The following PTCHD4 variants were observed in gnomAD, a reference collection of about 807,000 sequenced individuals.
The protein encoded by PTCHD4 is patched domain containing 4.
A neutral mutation model predicts 58.1 loss-of-function variants in PTCHD4; 33 were observed. That is an observed-to-expected ratio of 0.57 (90% CI 0.43 to 0.76). The LOEUF (loss-of-function observed/expected upper bound fraction) is 0.76. PTCHD4 is among the 30% of genes least tolerant of loss of function. PTCHD4 has a pLI of 0.00. For missense variants in PTCHD4, 1,058 were observed against 1,027.1 expected, an observed-to-expected ratio of 1.03 and a Z score of -0.41; for synonymous variants, 478 against 409.6, an observed-to-expected ratio of 1.17 and a Z score of -2.02.
chr6:47,909,979 G>A (rs1253741409), intron 4 of PTCHD4, among the ~76,000 whole-genome samples: 1 of 152,088 alleles, frequency 6.6e-6, no homozygotes, highest in Non-Finnish European at 1.5e-5. Flanking sequence ...ATATAAACGT[G>A]TTTGTTTTTA....
chr6:47,913,841 AT>A, intron 4 of PTCHD4, among the ~76,000 whole-genome samples: 1 of 152,046 alleles, frequency 6.6e-6, no homozygotes, highest in Non-Finnish European at 1.5e-5. Context: ...TTCTCTAAAC[AT>A]TTTTCTGTGA....
In PTCHD4 at chr6:48,064,609, G is replaced by A. The variant is rs1764736689; in HGVS notation, c.417+3621C>T. On this transcript the variant is annotated intron_variant, in intron 3 of 4. Transcript: ENST00000339488. ...GTCAAAAGCACTTTAAAGACAGCTG[G>A]AGAATACAAAGAATACCTTTATAAT... 5.3e-5 allele frequency among the ~76,000 whole-genome samples: 8 copies of A among 152,056 alleles called. No individual in the cohort carries two copies. The South Asian group carries it at 1.7e-3, about 32-fold the overall frequency.
At chr6:48,090,393 G>T (rs1765340912) in intron 1 of PTCHD4, among the ~76,000 whole-genome samples, 1 of 152,042 alleles carries the variant, frequency 6.6e-6, no homozygotes, top group Non-Finnish European at 1.5e-5. Flanking sequence ...GCTATCTGCC[G>T]AACATTTTAC....
rs190520528 is a variant in PTCHD4, at chr6:47,875,347, A to T, written c.*2956T>A. Reference sequence around the variant, plus strand: ...GATTGGGGGTGACCTGCAAGTCATGATCTCATATCTTAGGATGTATCTTAG... The same window carrying T: ...GATTGGGGGTGACCTGCAAGTCATGTTCTCATATCTTAGGATGTATCTTAG... On this transcript the variant is annotated 3_prime_UTR_variant, in exon 5 of 5. Coordinates refer to ENST00000339488, the MANE Select transcript of PTCHD4 (RefSeq NM_001384253.1). Among the ~76,000 whole-genome samples the T allele has an allele frequency of 6.6e-5, 10 of 151,976 alleles. No homozygotes were observed. The East Asian group carries it at 1.4e-3, about 21-fold the overall frequency.
intron 4 of PTCHD4, among the ~76,000 whole-genome samples, chr6:47,965,947 A>G (rs1056259758): frequency 6.6e-6 from 1 of 152,032 alleles, no homozygotes; most frequent in Admixed American, 6.6e-5. Context: ...CAAACAAAAA[A>G]CAACAACAAA....
At chr6:47,950,125 G>A (rs972662446) in intron 4 of PTCHD4, among the ~76,000 whole-genome samples, 1 of 147,468 alleles carries the variant, frequency 6.8e-6, no homozygotes, top group South Asian at 2.1e-4. Flanking sequence ...GTGAGAACAT[G>A]CGGTGTTTGG....
intron 4 of PTCHD4, among the ~76,000 whole-genome samples, chr6:47,911,246 G>T (rs1427042978): frequency 6.6e-6 from 1 of 151,940 alleles, no homozygotes; most frequent in Non-Finnish European, 1.5e-5. Context: ...TCTTTTTCAG[G>T]CAGTGCATCC....
rs12110534 is a variant in PTCHD4, at chr6:47,885,635, C to A, written c.899-5699G>T. ...TCCGTTTGAGCTTCTAGTAATCATT[C>A]TCCAACAAATAAAGATGACTTCTAA... On this transcript the variant is annotated intron_variant, in intron 4 of 4. Coordinates refer to ENST00000339488, the MANE Select transcript of PTCHD4 (RefSeq NM_001384253.1). Among the ~76,000 whole-genome samples the A allele has an allele frequency of 3.3e-3, 498 of 152,276 alleles. 4 individuals are homozygous for A. The highest frequency in any genetic ancestry group is 0.011 in the African/African-American group (477 of 41,554).
intron 3 of PTCHD4, among the ~76,000 whole-genome samples, chr6:48,062,085 G>C (rs752266721): frequency 1.3e-5 from 2 of 152,144 alleles, no homozygotes; most frequent in Non-Finnish European, 2.9e-5. Context: ...GTCAAATCAC[G>C]GTGTAATCGC....
At chr6:48,084,399 C>T (rs1053039781) in intron 1 of PTCHD4, among the ~76,000 whole-genome samples, 4 of 152,164 alleles carry the variant, frequency 2.6e-5, no homozygotes, top group Non-Finnish European at 1.5e-5. Flanking sequence ...GCACTTTCAT[C>T]ATAGTCACAA....
rs1764332358 is a variant in PTCHD4 at position 47,890,159 on chromosome 6, C to T, written c.899-10223G>A. ...TGTGTGTTTATGTATGCATGTGTGT[C>T]TGTGTGTGTATATATGTATATTTGT... On this transcript the variant is annotated intron_variant, in intron 4 of 4. Transcript: ENST00000339488. 2.0e-5 allele frequency among the ~76,000 whole-genome samples: 3 copies of T among 150,850 alleles called. No homozygotes were observed. In the South Asian group the frequency reaches 6.3e-4, roughly 32 times the overall value.
chr6:48,078,318 C>T (rs907652380), intron 1 of PTCHD4, among the ~76,000 whole-genome samples: 1 of 152,098 alleles, frequency 6.6e-6, no homozygotes, highest in South Asian at 2.1e-4. Context: ...GAGTGGCCCA[C>T]CACTCAAGAA....
rs11364222 is a variant in PTCHD4, at chr6:47,985,752, C to CT, written c.898+22881dup. Among the ~76,000 whole-genome samples the CT allele has an allele frequency of 2.4e-4, 36 of 150,424 alleles. No individual in the cohort carries two copies. In the East Asian group the frequency reaches 7.0e-3, roughly 29 times the overall value. The stretch of plus-strand genomic sequence containing the variant: ...TAAAGATTTTCATTTAAATGCATTC[C>CT]TTTTTTTTTTCAATATCCATGGAAT... On this transcript the variant is annotated intron_variant, in intron 4 of 4. Coordinates refer to ENST00000339488, the MANE Select transcript of PTCHD4 (RefSeq NM_001384253.1).
At chr6:47,912,760 A>T (rs1216621263) in intron 4 of PTCHD4, among the ~76,000 whole-genome samples, 1 of 152,156 alleles carries the variant, frequency 6.6e-6, no homozygotes, top group Non-Finnish European at 1.5e-5. Context: ...TGAACTATAC[A>T]TTAAAAAAAT....
intron 4 of PTCHD4, among the ~76,000 whole-genome samples, chr6:47,896,913 G>A (rs904890457): frequency 6.6e-6 from 1 of 152,178 alleles, no homozygotes; most frequent in Non-Finnish European, 1.5e-5. Flanking sequence ...CCAGTGTAAG[G>A]AGACTGATCT....
chr6:47,981,262 T>A (rs557230005), intron 4 of PTCHD4, among the ~76,000 whole-genome samples: 1 of 152,316 alleles, frequency 6.6e-6, no homozygotes, highest in South Asian at 2.1e-4. Flanking sequence ...TTTGTGCAAT[T>A]TCCTCAAGTC....
At chr6:47,947,283 C>T (rs181094135) in intron 4 of PTCHD4, among the ~76,000 whole-genome samples, 1 of 152,118 alleles carries the variant, frequency 6.6e-6, no homozygotes, top group African/African-American at 2.4e-5. Context: ...TATATACTAA[C>T]TTTGCCCAAT....
intron 3 of PTCHD4, among the ~76,000 whole-genome samples, chr6:48,020,576 G>A (rs559685386): frequency 1.3e-5 from 2 of 152,140 alleles, no homozygotes; most frequent in African/African-American, 2.4e-5. Context: ...CTGGGAAAGT[G>A]CATTGCTATC....
intron 4 of PTCHD4, among the ~76,000 whole-genome samples, chr6:47,981,859 C>T (rs1767892969): frequency 6.6e-6 from 1 of 152,152 alleles, no homozygotes; most frequent in Non-Finnish European, 1.5e-5. Flanking sequence ...TACTCCATAC[C>T]GCTGCATTTC....
Sources: gnomAD v4.1 joint callset for allele counts (sites outside exome capture counted in the v4.1 genomes callset) on GRCh38, gnomAD v4.1.1 for gene constraint, MANE v1.5 for transcripts, NCBI Gene and HGNC (gene_info 2026-07-23, HGNC 2026-07-21) for gene names.